Variants in CPNE4 observed in about 807,000 individuals in gnomAD.
CPNE4 encodes the protein copine-4.
Under a neutral mutation model 67.9 loss-of-function variants are expected in CPNE4, and 25 were observed. The observed-to-expected ratio is 0.37, with a 90% confidence interval of 0.27 to 0.51. The LOEUF (loss-of-function observed/expected upper bound fraction) is 0.51. Among genes scored for constraint, CPNE4 ranks in the 20% least tolerant of loss-of-function variants. The pLI, the probability that CPNE4 is intolerant of heterozygous loss-of-function variation, is 0.93. For synonymous variants in CPNE4, 242 were observed against 244.9 expected, an observed-to-expected ratio of 0.99 and a Z score of 0.11; for missense variants, 464 against 690.8, an observed-to-expected ratio of 0.67 and a Z score of 3.68.
intron 5 of CPNE4, among the ~76,000 whole-genome samples, chr3:131,686,401 A>T (rs1469974778): frequency 6.6e-6 from 1 of 152,180 alleles, no homozygotes; most frequent in African/African-American, 2.4e-5. Flanking sequence ...TATTTTTATT[A>T]TCTCTTTCTT....
At chr3:131,746,958 G>C (rs1429083162) in intron 2 of CPNE4, among the ~76,000 whole-genome samples, 1 of 152,034 alleles carries the variant, frequency 6.6e-6, no homozygotes, top group East Asian at 1.9e-4. Flanking sequence ...TTTGGTAGTA[G>C]CCATTCTAAC....
In CPNE4 at chr3:131,885,753, A is replaced by G. The variant is rs576899121; in HGVS notation, c.180+19511T>C. Among the ~76,000 whole-genome samples the G allele has an allele frequency of 1.1e-4, 17 of 151,690 alleles. 1 individual carries two copies. In the South Asian group the frequency reaches 2.9e-3, roughly 26 times the overall value. ...CCCCTTCCTGTGTCCATGTGATCTC[A>G]TTGTTCAATTCCTACCTATGAGTGA... On this transcript the variant is annotated intron_variant, in intron 2 of 15. Coordinates refer to ENST00000429747, the MANE Select transcript of CPNE4 (RefSeq NM_130808.3).
chr3:131,623,317 G>C (rs1395444470), intron 7 of CPNE4, among the ~76,000 whole-genome samples: 2 of 152,030 alleles, frequency 1.3e-5, no homozygotes, highest in East Asian at 3.9e-4. Context: ...GATGATTTTT[G>C]TTCAGGTTAT....
chr3:131,794,548 C>G (rs1416428265), intron 2 of CPNE4, among the ~76,000 whole-genome samples: 1 of 152,130 alleles, frequency 6.6e-6, no homozygotes, highest in Non-Finnish European at 1.5e-5. Flanking sequence ...CAGCTGGACA[C>G]TGCATTTCTA....
intron 7 of CPNE4, among the ~76,000 whole-genome samples, chr3:131,668,268 T>C (rs961332844): frequency 2.0e-5 from 3 of 152,224 alleles, no homozygotes; most frequent in Admixed American, 1.3e-4. Flanking sequence ...TGACAGATCA[T>C]ATCAATGAAT....
At chr3:131,575,369 G>A (rs1333780214) in intron 9 of CPNE4, among the ~76,000 whole-genome samples, 2 of 152,088 alleles carry the variant, frequency 1.3e-5, no homozygotes, top group Non-Finnish European at 2.9e-5. Flanking sequence ...CTCTATTATG[G>A]TTTATGCAAA....
chr3:132,038,127 T>C (rs2074367711), upstream of CPNE4, among the ~76,000 whole-genome samples: 1 of 151,996 alleles, frequency 6.6e-6, no homozygotes, highest in South Asian at 2.1e-4. Flanking sequence ...AGCTCAAAAA[T>C]TTGTTCTTTT....
chr3:131,810,142 C>A (rs2084466555), intron 2 of CPNE4, among the ~76,000 whole-genome samples: 1 of 151,970 alleles, frequency 6.6e-6, no homozygotes, highest in South Asian at 2.1e-4. Flanking sequence ...TGACATTGGT[C>A]TTGGCAATAA....
intron 5 of CPNE4, among the ~76,000 whole-genome samples, chr3:131,692,040 T>C (rs1346777669): frequency 6.6e-6 from 1 of 152,010 alleles, no homozygotes; most frequent in African/African-American, 2.4e-5. Flanking sequence ...AGTGTTGCTG[T>C]GGTAAAATTC....
chr3:131,599,121 G>A (rs931027169), intron 7 of CPNE4, among the ~76,000 whole-genome samples: 2 of 152,202 alleles, frequency 1.3e-5, no homozygotes, highest in African/African-American at 4.8e-5. Context: ...AGGGATTTAT[G>A]AGAATTTGAT....
chr3:131,894,817 T>A (rs1373032210), intron 2 of CPNE4, among the ~76,000 whole-genome samples: 1 of 151,824 alleles, frequency 6.6e-6, no homozygotes, highest in African/African-American at 2.4e-5. Context: ...TCTCAAAAAA[T>A]TAAAAATAGA....
intron 11 of CPNE4, among the ~76,000 whole-genome samples, chr3:131,562,957 T>C (rs1265126778): frequency 6.6e-6 from 1 of 152,084 alleles, no homozygotes; most frequent in African/African-American, 2.4e-5. Flanking sequence ...TCTTTGATTT[T>C]ACTGGACCTG....
intron 7 of CPNE4, among the ~76,000 whole-genome samples, chr3:131,623,986 CG>C (rs1940606962): frequency 6.6e-6 from 1 of 151,986 alleles, no homozygotes; most frequent in Non-Finnish European, 1.5e-5. Flanking sequence ...TTATTTGTCA[CG>C]GCAGTTGTTT....
chr3:132,036,326 A>G (rs139783928), upstream of CPNE4, among the ~76,000 whole-genome samples: 163 of 152,148 alleles, frequency 1.1e-3, no homozygotes, highest in African/African-American at 3.8e-3. Flanking sequence ...GAATTACACT[A>G]ATGGGCCAGG....
chr3:132,024,465 G>A (rs980978599), intron 1 of CPNE4, among the ~76,000 whole-genome samples: 8 of 149,418 alleles, frequency 5.4e-5, no homozygotes, highest in Admixed American at 4.0e-4. Flanking sequence ...TGGAAGGACT[G>A]TACATTTTGG....
chr3:131,578,960 A>G (rs1400140875), intron 9 of CPNE4, among the ~76,000 whole-genome samples: 3 of 152,238 alleles, frequency 2.0e-5, no homozygotes, highest in African/African-American at 7.2e-5. Context: ...CAGAAGATCC[A>G]GCTAAAATCA....
intron 7 of CPNE4, among the ~76,000 whole-genome samples, chr3:131,608,044 T>C (rs1408783006): frequency 3.3e-5 from 5 of 152,176 alleles, no homozygotes; most frequent in Non-Finnish European, 7.4e-5. Flanking sequence ...CCCCAACTTA[T>C]TTGGCCAAGA....
intron 2 of CPNE4, among the ~76,000 whole-genome samples, chr3:131,732,736 G>A: frequency 6.6e-6 from 1 of 152,122 alleles, no homozygotes; most frequent in Non-Finnish European, 1.5e-5. Context: ...CTCTTTTTCT[G>A]CTGGAACTTT....
intron 2 of CPNE4, among the ~76,000 whole-genome samples, chr3:131,815,611 A>C (rs1200712134): frequency 6.6e-6 from 1 of 152,188 alleles, no homozygotes; most frequent in Non-Finnish European, 1.5e-5. Flanking sequence ...AGCTTGTGCC[A>C]CTTGCCACCT....
Sources: gnomAD v4.1 joint callset for allele counts (sites outside exome capture counted in the v4.1 genomes callset) on GRCh38, gnomAD v4.1.1 for gene constraint, MANE v1.5 for transcripts, NCBI Gene and HGNC (gene_info 2026-07-23, HGNC 2026-07-21) for gene names.